Variants in TCN2 observed in about 807,000 individuals in gnomAD.
TCN2 encodes the protein transcobalamin-2.
Under a neutral mutation model 48.6 loss-of-function variants are expected in TCN2, and 34 were observed. The ratio of observed to expected loss-of-function variants is 0.70; its 90% CI spans 0.53 to 0.93. TCN2 has a LOEUF of 0.93. Among genes scored for constraint, TCN2 ranks in the 40% least tolerant of loss-of-function variants. TCN2 has a pLI of 0.00. For synonymous variants in TCN2, 283 were observed against 212.5 expected (o/e 1.33, Z -2.89); for missense variants, 652 against 526.1 (o/e 1.24, Z -2.34).
intron 8 of TCN2, among the ~76,000 whole-genome samples, chr22:30,625,108 C>T (rs1175442887): frequency 6.6e-6 from 1 of 152,178 alleles, no homozygotes; most frequent in African/African-American, 2.4e-5. Context: ...ATCCCAGCTA[C>T]TCAGGAGGCT....
rs2087816468 is a variant in TCN2 at position 30,626,702 on chromosome 22, G to A, written c.*181G>A. 1.5e-6 allele frequency: 1 copy of A among 685,346 alleles called. No homozygotes were observed. The highest frequency in any genetic ancestry group is 2.6e-6 in the Non-Finnish European group (1 of 387,806). 42.5% of individuals were successfully genotyped at this position (685,346 alleles called of 1,614,324 possible). A position where few individuals can be genotyped will look rare whatever the true frequency, so the allele number is the denominator to read the frequency against. ...AGGGCCCTATACCATGGCCCACCTT[G>A]GAGCAGAGAGCCAAGCATCTTCCCT... On this transcript the variant is annotated 3_prime_UTR_variant, in exon 9 of 9. Coordinates refer to ENST00000215838, the MANE Select transcript of TCN2 (RefSeq NM_000355.4).
intron 1 of TCN2, chr22:30,610,390 C>T: frequency 2.3e-6 from 1 of 433,718 alleles, no homozygotes; most frequent in South Asian, 1.7e-5. Flanking sequence ...CACACACATT[C>T]AGCAGGGCAC....
intron 3 of TCN2, 131 bp downstream of exon 3, chr22:30,613,173 C>G (rs377310325): frequency 4.6e-6 from 6 of 1,310,470 alleles, no homozygotes; most frequent in Non-Finnish European, 6.4e-6. Flanking sequence ...GCCCATCTCA[C>G]TGCCTACGTA....
Position 30,615,408 on chromosome 22 carries a change from A to T in TCN2, c.688A>T (p.Ile230Phe), listed in dbSNP as rs769342461. 3.1e-6 allele frequency: 5 copies of T among 1,614,042 alleles called. No homozygotes were observed. In the East Asian group the frequency reaches 8.9e-5, roughly 29 times the overall value. Residue 230 changes from isoleucine to phenylalanine, a missense_variant, in exon 5 of 9, where the codon ATC (isoleucine) becomes TTC (phenylalanine). Physicochemically the swap from Ile to Phe is conservative, Grantham distance 21. Coordinates refer to ENST00000215838, the MANE Select transcript of TCN2 (RefSeq NM_000355.4). ...GGCCATCAGAACAGTGCGAGAGGAG[A>T]TCTTGAAGGCCCAGACCCCCGAGGG... ...TMAIRTVREEILKAQTPEGHF... is the reference protein window; with the variant it reads ...TMAIRTVREEFLKAQTPEGHF...
rs953959894 is a variant in TCN2 at position 30,607,210 on chromosome 22, A to C, written c.-122A>C. On this transcript the variant is annotated 5_prime_UTR_variant, in exon 1 of 9. An upstream open reading frame in the 5' UTR loses its in-frame stop. Transcript: ENST00000215838. The stretch of plus-strand genomic sequence containing the variant: ...CGTGCATTGCAGGCATGGAGGATTA[A>C]TCAGTGACAGGAAGCTGCGTCTCTC... The C allele has an allele frequency of 7.4e-6, 8 of 1,079,650 alleles. No homozygotes were observed. Among genetic ancestry groups the C allele is most frequent in the Non-Finnish European group, 1.1e-5 (8 of 698,608 alleles). 66.9% of individuals were successfully genotyped at this position (1,079,650 alleles called of 1,614,324 possible). A position where few individuals can be genotyped will look rare whatever the true frequency, so the allele number is the denominator to read the frequency against.
At chr22:30,622,334 C>T (rs144819341) in intron 7 of TCN2, among the ~76,000 whole-genome samples, 323 of 152,308 alleles carry the variant, frequency 2.1e-3, no homozygotes, top group Middle Eastern at 3.4e-3. Context: ...GGCATCCAGA[C>T]GGAGTGCAGA....
At chr22:30,625,288 G>C (rs916365676) in intron 8 of TCN2, among the ~76,000 whole-genome samples, 9 of 152,110 alleles carry the variant, frequency 5.9e-5, no homozygotes, top group Admixed American at 5.9e-4. Flanking sequence ...TCCCAGATCA[G>C]GACACTGACA....
intron 6 of TCN2, 109 bp from the exon 7 acceptor site, chr22:30,617,221 G>A (rs964623549): frequency 1.6e-5 from 24 of 1,465,838 alleles, no homozygotes; most frequent in Non-Finnish European, 2.2e-5. Flanking sequence ...ATGGAGATGA[G>A]GACATGGGGA....
At chr22:30,615,908 A>C in intron 6 of TCN2, 121 bp downstream of exon 6, 2 of 1,253,146 alleles carry the variant, frequency 1.6e-6, no homozygotes, top group Non-Finnish European at 2.3e-6. Flanking sequence ...GTGGGTGTGC[A>C]TGGGACACAG....
At position 30,626,478 on chromosome 22, in the gene TCN2, C is replaced by T; in HGVS notation, c.1241C>T (p.Pro414Leu). Residue 414 changes from proline (P) to leucine (L), a missense_variant, in exon 9 of 9, where the codon CCC becomes CTC. Coordinates refer to ENST00000215838, the MANE Select transcript of TCN2 (RefSeq NM_000355.4). ...PLLQGIADYR[P>L]KDGETIELRL... ...TCTGCAGGTATTGCTGACTACAGAC[C>T]CAAGGATGGAGAAACCATTGAGCTG... 2 of 1,614,100 alleles carry T rather than the reference C, an allele frequency of 1.2e-6. No homozygotes were observed. The highest frequency in any genetic ancestry group is 1.7e-6 in the Non-Finnish European group (2 of 1,180,010).
chr22:30,613,498 C>T (rs989544064), intron 3 of TCN2, among the ~76,000 whole-genome samples: 12 of 152,144 alleles, frequency 7.9e-5, no homozygotes, highest in African/African-American at 1.7e-4. Context: ...AGGCTGGTCT[C>T]GAACTCCTGA....
Position 30,623,819 on chromosome 22 carries a change from C to CAT in TCN2, c.1222+737_1222+738insTA, listed in dbSNP as rs1339960959. Among the ~76,000 whole-genome samples the CAT allele has an allele frequency of 7.9e-3, 354 of 45,044 alleles. 14 individuals carry two copies. The highest frequency in any genetic ancestry group is 0.012 in the Admixed American group (47 of 3,900). 29.6% of individuals were successfully genotyped at this position (45,044 alleles called of 152,430 possible). The stretch of plus-strand genomic sequence containing the variant: ...ATACACACATACACATATATACACA[C>CAT]ACATACACACACATATACACACACA... On this transcript the variant is annotated intron_variant, in intron 8 of 8. Transcript: ENST00000215838.
chr22:30,613,141 C>G (rs2087565732), intron 3 of TCN2, 99 bp downstream of exon 3: 3 of 1,494,178 alleles, frequency 2.0e-6, no homozygotes, highest in Non-Finnish European at 2.7e-6. Flanking sequence ...TCTCCCCAGG[C>G]GTCTTTCCCA....
chr22:30,622,908 C>T, intron 7 of TCN2, 60 bp from the exon 8 acceptor site: 3 of 1,551,642 alleles, frequency 1.9e-6, no homozygotes, highest in South Asian at 2.2e-5. Context: ...GTGAGCACTG[C>T]CTCTCCCCTT....
At position 30,621,953 on chromosome 22, in the gene TCN2, C is replaced by G. The variant is rs2087706870; in HGVS notation, c.1107-1015C>G. Among the ~76,000 whole-genome samples the G allele has an allele frequency of 2.0e-5, 3 of 152,180 alleles. No individual in the cohort carries two copies. In the South Asian group the frequency reaches 6.2e-4, roughly 31 times the overall value. ...GGAAGCCCTGATCATGCTGCTTTCT[C>G]CTGTGGGAGGGATGAAGGACGTGGC... On this transcript the variant is annotated intron_variant, in intron 7 of 8. Coordinates refer to ENST00000215838, the MANE Select transcript of TCN2 (RefSeq NM_000355.4).
chr22:30,623,176 C>T (rs1273161070), intron 8 of TCN2, 93 bp downstream of exon 8: 3 of 1,207,790 alleles, frequency 2.5e-6, no homozygotes, highest in African/African-American at 1.5e-5. Flanking sequence ...TCCCTAGCAC[C>T]CTCCTGGGCC....
Position 30,610,918 on chromosome 22 carries a change from C to G in TCN2, c.112C>G (p.Leu38Val), listed in dbSNP as rs2087529252. 6.2e-7 allele frequency: 1 copy of G among 1,614,220 alleles called. No homozygotes were observed. The highest frequency in any genetic ancestry group is 8.5e-7 in the Non-Finnish European group (1 of 1,180,048). The change falls in exon 2 of 9, where the codon CTC becomes GTC. Residue 38 changes from leucine to valine, a missense_variant. By Grantham distance (32) the Leu-to-Val change is conservative. Coordinates refer to ENST00000215838, the MANE Select transcript of TCN2 (RefSeq NM_000355.4). ...SHLVEKLGQH[L>V]LPWMDRLSLE... ...TCTGGTAGAGAAGTTGGGCCAGCAC[C>G]TCTTACCTTGGATGGACCGGCTTTC...
chr22:30,615,500 C>T (rs763911054), intron 5 of TCN2, 27 bp downstream of exon 5: 4 of 1,611,006 alleles, frequency 2.5e-6, no homozygotes, highest in Non-Finnish European at 3.4e-6. Context: ...GGAGCCATGG[C>T]CACCCTGGGG....
Position 30,610,924 on chromosome 22 carries a change from C to A in TCN2, c.118C>A (p.Pro40Thr). 6.2e-7 allele frequency: 1 copy of A among 1,614,190 alleles called. No homozygotes were observed. The highest frequency in any genetic ancestry group is 8.5e-7 in the Non-Finnish European group (1 of 1,180,048). The part of the protein sequence containing the change: ...LVEKLGQHLL[P>T]WMDRLSLEHL... ...AGAGAAGTTGGGCCAGCACCTCTTA[C>A]CTTGGATGGACCGGCTTTCCCTGGA... Residue 40 changes from proline (P) to threonine (T), a missense_variant, in exon 2 of 9, where the codon CCT becomes ACT. Pro to Thr is a conservative substitution (Grantham distance 38). Coordinates refer to ENST00000215838, the MANE Select transcript of TCN2 (RefSeq NM_000355.4).
Sources: allele counts gnomAD v4.1 joint callset (sites outside exome capture counted in the v4.1 genomes callset), GRCh38; gene constraint gnomAD v4.1.1; transcripts MANE v1.5; gene names NCBI Gene and HGNC (gene_info 2026-07-23, HGNC 2026-07-21).